MEIS2: variants seen among roughly 807,000 people sequenced by gnomAD.
The protein encoded by MEIS2 is Meis homeobox 2.
In MEIS2, 9 loss-of-function variants were observed where a neutral mutation model predicts 58.6. The observed-to-expected ratio is 0.15, with a 90% confidence interval of 0.09 to 0.27. The LOEUF (loss-of-function observed/expected upper bound fraction) is 0.27, where lower values mean the gene tolerates loss of function less well. Ranked by LOEUF, MEIS2 falls within the 10% of genes least tolerant of loss-of-function variation. The pLI, the probability that MEIS2 is intolerant of heterozygous loss-of-function variation, is 1.00. For missense variants in MEIS2, 427 were observed against 635.0 expected, an observed-to-expected ratio of 0.67 and a Z score of 3.52; for synonymous variants, 221 against 228.4, an observed-to-expected ratio of 0.97 and a Z score of 0.29.
chr15:36,996,535 C>T (rs1048853183), intron 8 of MEIS2, among the ~76,000 whole-genome samples: 3 of 152,154 alleles, frequency 2.0e-5, no homozygotes, highest in Non-Finnish European at 4.4e-5. Context: ...ATAATGAAGT[C>T]TCATCATAAT....
chr15:36,933,266 G>A (rs2058047212), intron 9 of MEIS2, among the ~76,000 whole-genome samples: 1 of 152,116 alleles, frequency 6.6e-6, no homozygotes, highest in Non-Finnish European at 1.5e-5. Flanking sequence ...GCTTTCTATA[G>A]GGTCTGTGGT....
At chr15:37,094,839 G>A (rs1894000554) in intron 4 of MEIS2, among the ~76,000 whole-genome samples, 1 of 149,736 alleles carries the variant, frequency 6.7e-6, no homozygotes, top group Non-Finnish European at 1.5e-5. Flanking sequence ...TGTTCACTGT[G>A]CTATTTGTAA....
chr15:36,894,875 TAGA>T (rs2056086633), intron 11 of MEIS2: 1 of 1,345,598 alleles, frequency 7.4e-7, no homozygotes, highest in African/African-American at 1.4e-5. Flanking sequence ...GGTGAAAAAA[TAGA>T]AGGAAACTCA....
chr15:37,095,675 G>A, intron 3 of MEIS2, 61 bp from the exon 4 acceptor site: 1 of 1,612,494 alleles, frequency 6.2e-7, no homozygotes, highest in Non-Finnish European at 8.5e-7. Flanking sequence ...AAGCTGAAAT[G>A]TGAGAATGGG....
rs1012664817 is a variant in MEIS2, at chr15:36,890,122, G to A, written c.*2051C>T. ...TTTCTTCCAAGTTTAAGTTTGCAGAGATGATGAATAATTTCCTTAGCCGGT... is the reference window on the plus strand; with the variant it reads ...TTTCTTCCAAGTTTAAGTTTGCAGAAATGATGAATAATTTCCTTAGCCGGT... On this transcript the variant is annotated 3_prime_UTR_variant, in exon 12 of 12. Transcript: ENST00000561208. 6.6e-6 allele frequency: 1 copy of A among 152,156 alleles called. No homozygotes were observed. Among genetic ancestry groups the A allele is most frequent in the Non-Finnish European group, 1.5e-5 (1 of 68,020 alleles). The allele number at this position is 152,156 out of a possible 1,614,324, so 9.4% of individuals were successfully genotyped here. A position where few individuals can be genotyped will look rare whatever the true frequency, so the allele number is the denominator to read the frequency against.
At chr15:36,907,548 G>A (rs972247047) in intron 9 of MEIS2, among the ~76,000 whole-genome samples, 3 of 152,168 alleles carry the variant, frequency 2.0e-5, no homozygotes, top group Admixed American at 6.5e-5. Context: ...GATGGACCAG[G>A]CTCTTATCCT....
At chr15:36,909,741 A>G (rs1381850614) in intron 9 of MEIS2, among the ~76,000 whole-genome samples, 1 of 150,360 alleles carries the variant, frequency 6.7e-6, no homozygotes, top group Non-Finnish European at 1.5e-5. Context: ...CTAGGCTGGC[A>G]GGCAATATGC....
At chr15:36,950,500 G>T in intron 8 of MEIS2, 100 bp from the exon 9 acceptor site, 1 of 1,145,192 alleles carries the variant, frequency 8.7e-7, no homozygotes, top group Non-Finnish European at 1.3e-6. Flanking sequence ...TTTAGTCTAT[G>T]GCTTGATTTT....
chr15:37,095,701 T>C, intron 3 of MEIS2, 87 bp from the exon 4 acceptor site: 1 of 1,596,722 alleles, frequency 6.3e-7, no homozygotes, highest in Non-Finnish European at 8.6e-7. Flanking sequence ...TGGAGGGCAA[T>C]GGCGGAGAAG....
At chr15:36,976,197 G>A (rs1025960306) in intron 8 of MEIS2, among the ~76,000 whole-genome samples, 9 of 151,866 alleles carry the variant, frequency 5.9e-5, no homozygotes, top group African/African-American at 2.2e-4. Flanking sequence ...CAACTCTCCT[G>A]CCTCATCCTC....
chr15:36,971,536 T>TAAAAAAAAAAAAAAAAAAAAAAAAAA lies in MEIS2; in HGVS notation c.901-21137_901-21136insTTTTTTTTTTTTTTTTTTTTTTTTTT, dbSNP rs1567126001. 5.0e-4 allele frequency among the ~76,000 whole-genome samples: 33 copies of TAAAAAAAAAAAAAAAAAAAAAAAAAA among 65,422 alleles called. 9 individuals are homozygous for TAAAAAAAAAAAAAAAAAAAAAAAAAA. Among genetic ancestry groups the TAAAAAAAAAAAAAAAAAAAAAAAAAA allele is most frequent in the East Asian group, 1.1e-3 (3 of 2,618 alleles). 42.9% of individuals were successfully genotyped at this position (65,422 alleles called of 152,430 possible). ...TGTATTACTTGTATGCCTTGTTACA[T>TAAAAAAAAAAAAAAAAAAAAAAAAAA]TAAAAAAAAAAAAAAAAAAAAAAAA... On this transcript the variant is annotated intron_variant, in intron 8 of 11. Transcript: ENST00000561208.
intron 7 of MEIS2, among the ~76,000 whole-genome samples, chr15:37,049,767 G>A (rs979733528): frequency 1.3e-5 from 2 of 151,080 alleles, no homozygotes; most frequent in African/African-American, 4.9e-5. Context: ...GATTACAGGC[G>A]TGAGCCACCG....
chr15:36,913,805 G>A (rs932284252), intron 9 of MEIS2, among the ~76,000 whole-genome samples: 1 of 152,006 alleles, frequency 6.6e-6, no homozygotes, highest in African/African-American at 2.4e-5. Context: ...ACACCCTGGG[G>A]AAAAGAACTC....
intron 8 of MEIS2, among the ~76,000 whole-genome samples, chr15:37,005,556 C>T (rs1216268105): frequency 6.6e-6 from 1 of 152,250 alleles, no homozygotes; most frequent in East Asian, 1.9e-4. Flanking sequence ...GCCAGTCCTA[C>T]CCATCATGAT....
At chr15:36,934,579 T>C (rs1189758615) in intron 9 of MEIS2, among the ~76,000 whole-genome samples, 1 of 152,226 alleles carries the variant, frequency 6.6e-6, no homozygotes, top group Non-Finnish European at 1.5e-5. Flanking sequence ...TTATCTTACA[T>C]TCCTTGTTTT....
At chr15:36,985,715 A>C (rs962660900) in intron 8 of MEIS2, among the ~76,000 whole-genome samples, 4 of 152,182 alleles carry the variant, frequency 2.6e-5, no homozygotes, top group Non-Finnish European at 5.9e-5. Flanking sequence ...TGAGAATTTC[A>C]ATATCTGTTT....
intron 5 of MEIS2, 46 bp from the exon 6 acceptor site, chr15:37,093,776 T>C (rs1221340505): frequency 1.2e-6 from 2 of 1,601,258 alleles, no homozygotes; most frequent in Non-Finnish European, 1.7e-6. Flanking sequence ...GTTGTTGTTG[T>C]TGTTGTTTTG....
At position 36,896,698 on chromosome 15, in the gene MEIS2, C is replaced by T. The variant is rs2056193407; in HGVS notation, c.978-12G>A. The T allele has an allele frequency of 6.2e-7, 1 of 1,612,086 alleles. No individual in the cohort carries two copies. Among genetic ancestry groups the T allele is most frequent in the Non-Finnish European group, 8.5e-7 (1 of 1,178,294 alleles). On this transcript the variant is annotated splice_polypyrimidine_tract_variant and intron_variant, in intron 9 of 11. Coordinates refer to ENST00000561208, the MANE Select transcript of MEIS2 (RefSeq NM_170675.5). ...TGGCATTAATAAACCTGAAAGAGAA[C>T]AGAGAAGTCCAGTCATCATACTCCG...
Position 36,997,391 on chromosome 15 carries a change from G to C in MEIS2, c.900+39423C>G, listed in dbSNP as rs1298250395. 2.0e-5 allele frequency among the ~76,000 whole-genome samples: 3 copies of C among 152,140 alleles called. No homozygotes were observed. The East Asian group carries it at 5.8e-4, about 29-fold the overall frequency. ...TGAACATTTTGCTAACTTTGAGTTA[G>C]GAAAGGGAAAGGAAATCCCAGTGTC... On this transcript the variant is annotated intron_variant, in intron 8 of 11. Transcript: ENST00000561208.
Sources: allele counts gnomAD v4.1 joint callset (sites outside exome capture counted in the v4.1 genomes callset), GRCh38; gene constraint gnomAD v4.1.1; transcripts MANE v1.5; gene names NCBI Gene and HGNC (gene_info 2026-07-23, HGNC 2026-07-21).